ACOXL: variants seen among roughly 807,000 people sequenced by gnomAD.
ACOXL encodes acyl-CoA oxidase like, also known as acyl-coenzyme A oxidase-like protein.
In ACOXL, 70 loss-of-function variants were observed where a neutral mutation model predicts 71.9. The observed-to-expected ratio is 0.97, with a 90% CI of 0.80 to 1.19. The LOEUF is 1.19. ACOXL is among the 50% of genes most tolerant of loss of function. The probability of loss-of-function intolerance (pLI) is 0.00; values close to 1 mark genes in which losing one functional copy is unlikely to be tolerated. For missense variants in ACOXL, 703 were observed against 736.3 expected, an observed-to-expected ratio of 0.95 and a Z score of 0.52; for synonymous variants, 253 against 281.6, an observed-to-expected ratio of 0.90 and a Z score of 1.02.
chr2:110,854,266 T>C (rs927829779), intron 10 of ACOXL, among the ~76,000 whole-genome samples: 2 of 152,142 alleles, frequency 1.3e-5, no homozygotes, highest in African/African-American at 4.8e-5. Flanking sequence ...GAGGATATGA[T>C]TAGCATTGTT....
At chr2:110,803,329 A>G (rs940100407) in intron 8 of ACOXL, among the ~76,000 whole-genome samples, 1 of 152,268 alleles carries the variant, frequency 6.6e-6, no homozygotes, top group Non-Finnish European at 1.5e-5. Context: ...AGATATATGT[A>G]CAATGGAATA....
At chr2:110,806,220 AC>A (rs909408114) in intron 9 of ACOXL, among the ~76,000 whole-genome samples, 4 of 152,154 alleles carry the variant, frequency 2.6e-5, no homozygotes, top group African/African-American at 9.7e-5. Context: ...GCCTGTCCTG[AC>A]CCGGGCTTCC....
intron 9 of ACOXL, among the ~76,000 whole-genome samples, chr2:110,813,092 C>T (rs2105435864): frequency 6.6e-6 from 1 of 152,298 alleles, no homozygotes; most frequent in East Asian, 1.9e-4. Flanking sequence ...TCCAGCCCTT[C>T]CCCAATGAGT....
rs114317781 is a variant in ACOXL at position 110,764,532 on chromosome 2, T to C, written c.-22-3836T>C. On this transcript the variant is annotated intron_variant, in intron 1 of 17. Coordinates refer to ENST00000439055, the MANE Select transcript of ACOXL (RefSeq NM_001142807.4). Reference sequence around the variant, plus strand: ...GGGGAGGCATGGCACAGATGATTTTTAGGGCAGTGAAGCTACTCCGTATGA... The same window carrying C: ...GGGGAGGCATGGCACAGATGATTTTCAGGGCAGTGAAGCTACTCCGTATGA... Among the ~76,000 whole-genome samples the C allele has an allele frequency of 3.1e-3, 473 of 152,300 alleles. 4 individuals are homozygous for C. The highest frequency in any genetic ancestry group is 0.011 in the African/African-American group (442 of 41,564).
chr2:110,939,640 A>C (rs1383767351), intron 12 of ACOXL, among the ~76,000 whole-genome samples: 2 of 152,236 alleles, frequency 1.3e-5, no homozygotes, highest in African/African-American at 4.8e-5. Flanking sequence ...ATTTTTGTGC[A>C]TACCTGGGAT....
intron 11 of ACOXL, among the ~76,000 whole-genome samples, chr2:110,921,099 G>C (rs1174055460): frequency 2.6e-5 from 4 of 151,928 alleles, no homozygotes; most frequent in Non-Finnish European, 4.4e-5. Flanking sequence ...GATAGTGTTG[G>C]TTGTAACATT....
intron 14 of ACOXL, among the ~76,000 whole-genome samples, chr2:111,026,865 G>T (rs749377686): frequency 2.0e-5 from 3 of 152,134 alleles, no homozygotes; most frequent in Admixed American, 6.5e-5. Context: ...GGAGGAATGT[G>T]CAGTCTTTGT....
chr2:110,785,260 T>G (rs1279953430), intron 3 of ACOXL, among the ~76,000 whole-genome samples: 2 of 152,174 alleles, frequency 1.3e-5, no homozygotes, highest in African/African-American at 4.8e-5. Context: ...TTAGTCATGG[T>G]GACATCTTAT....
Position 110,784,742 on chromosome 2 carries a change from CA to C in ACOXL, c.89del (p.Lys30ArgfsTer10), listed in dbSNP as rs763434995. 55 of 1,601,574 alleles carry C rather than the reference CA, an allele frequency of 3.4e-5. No homozygotes were observed. The highest frequency in any genetic ancestry group is 3.3e-4 in the Middle Eastern group (2 of 6,046). ...CTATCATATTTTCAGGCAGAGAAAACAAAGAATTTTGTCAGCCGAAGCCTTG... is the reference window on the plus strand; with the variant it reads ...CTATCATATTTTCAGGCAGAGAAAACAAGAATTTTGTCAGCCGAAGCCTTG... ...KRAGQDLAEKTKNFVSRSLVI... is the reference protein window; with the variant it reads ...KRAGQDLAEKXKNFVSRSLVI... On this transcript the variant is annotated frameshift_variant, in exon 3 of 18. Transcript: ENST00000439055. LOFTEE classifies it high-confidence loss of function.
intron 12 of ACOXL, among the ~76,000 whole-genome samples, chr2:110,980,051 T>A (rs1460954770): frequency 6.6e-6 from 1 of 152,184 alleles, no homozygotes; most frequent in Admixed American, 6.5e-5. Flanking sequence ...GGAGGAAGAA[T>A]ACACGCTTAG....
chr2:111,017,377 G>C (rs1177137158), intron 14 of ACOXL, among the ~76,000 whole-genome samples: 5 of 152,210 alleles, frequency 3.3e-5, no homozygotes, highest in African/African-American at 1.2e-4. Flanking sequence ...TGAGAAAAGG[G>C]ACCCCAGAAA....
chr2:110,975,558 A>T (rs1211209353), intron 12 of ACOXL, among the ~76,000 whole-genome samples: 1 of 152,078 alleles, frequency 6.6e-6, no homozygotes. Context: ...CATCACACCT[A>T]AAAAAATGAG....
At position 110,751,732 on chromosome 2, in the gene ACOXL, C is replaced by T. The variant is rs545533180; in HGVS notation, c.-22-16636C>T. 2.6e-5 allele frequency among the ~76,000 whole-genome samples: 4 copies of T among 152,302 alleles called. No individual in the cohort carries two copies. In the South Asian group the frequency reaches 8.3e-4, roughly 32 times the overall value. On this transcript the variant is annotated intron_variant, in intron 1 of 17. Transcript: ENST00000439055. The stretch of plus-strand genomic sequence containing the variant: ...TCTCTTATACCCTTGCCAGTCAACC[C>T]TTGCCTCCACCCTCCTGGAGGTAAC...
At chr2:110,967,967 A>G (rs754748055) in intron 12 of ACOXL, 91 of 925,968 alleles carry the variant, frequency 9.8e-5, no homozygotes, top group Non-Finnish European at 1.5e-4. Flanking sequence ...AATAAATACA[A>G]CACACCCAAA....
chr2:110,905,431 C>A (rs2059405934), intron 10 of ACOXL, among the ~76,000 whole-genome samples: 1 of 152,166 alleles, frequency 6.6e-6, no homozygotes, highest in African/African-American at 2.4e-5. Flanking sequence ...CTCTTGAATG[C>A]CAAGCTGAGG....
intron 10 of ACOXL, among the ~76,000 whole-genome samples, chr2:110,892,872 C>G (rs1037560540): frequency 6.6e-6 from 1 of 152,148 alleles, no homozygotes; most frequent in Non-Finnish European, 1.5e-5. Flanking sequence ...CTATTTTAAG[C>G]AGGTATAAAC....
chr2:111,064,405 C>G (rs1177683198), intron 16 of ACOXL, among the ~76,000 whole-genome samples: 1 of 133,278 alleles, frequency 7.5e-6, no homozygotes, highest in South Asian at 2.5e-4. Flanking sequence ...CACTGCAGCC[C>G]GGACTGGGCG....
At chr2:110,868,144 C>T (rs539616695) in intron 10 of ACOXL, among the ~76,000 whole-genome samples, 5 of 152,236 alleles carry the variant, frequency 3.3e-5, no homozygotes, top group African/African-American at 7.2e-5. Flanking sequence ...TTTTGTGTAA[C>T]GAATTTCATG....
intron 9 of ACOXL, among the ~76,000 whole-genome samples, chr2:110,833,459 A>G (rs10048706): frequency 0.44 from 66,256 of 151,892 alleles, 14,850 homozygotes; most frequent in East Asian, 0.6. Context: ...ACACACGGTC[A>G]CCATGAGGGA....
Sources: gnomAD v4.1 joint callset for allele counts (sites outside exome capture counted in the v4.1 genomes callset) on GRCh38, gnomAD v4.1.1 for gene constraint, MANE v1.5 for transcripts, NCBI Gene and HGNC (gene_info 2026-07-23, HGNC 2026-07-21) for gene names.